CACNG6: variants seen among roughly 807,000 people sequenced by gnomAD.
CACNG6 encodes the protein voltage-dependent calcium channel gamma-6 subunit.
Under a neutral mutation model 23.9 loss-of-function variants are expected in CACNG6, and 21 were observed. The ratio of observed to expected loss-of-function variants is 0.88; its 90% CI spans 0.62 to 1.26. CACNG6 has a LOEUF of 1.26. Ranked by LOEUF, CACNG6 falls within the 50% of genes most tolerant of loss-of-function variation. CACNG6 has a pLI of 0.00. For synonymous variants in CACNG6, 182 were observed against 168.9 expected, an observed-to-expected ratio of 1.08 and a Z score of -0.60; for missense variants, 340 against 352.9, an observed-to-expected ratio of 0.96 and a Z score of 0.29.
At chr19:54,009,752 GTTCT>G (rs2069684439) in intron 3 of CACNG6, among the ~76,000 whole-genome samples, 1 of 145,564 alleles carries the variant, frequency 6.9e-6, no homozygotes, top group African/African-American at 2.5e-5. Context: ...TCTCTATCAT[GTTCT>G]TTCTTTTTCT....
chr19:53,996,188 C>T (rs2069519277), intron 1 of CACNG6, among the ~76,000 whole-genome samples: 1 of 152,116 alleles, frequency 6.6e-6, no homozygotes, highest in African/African-American at 2.4e-5. Context: ...GGCCTTTACT[C>T]CTGTTATTCT....
At chr19:54,004,747 T>TG (rs2145962733) in intron 3 of CACNG6, among the ~76,000 whole-genome samples, 1 of 152,268 alleles carries the variant, frequency 6.6e-6, no homozygotes, top group South Asian at 2.1e-4. Context: ...TTTCCCGGGC[T>TG]GCCTCCTCGG....
At position 53,999,675 on chromosome 19, in the gene CACNG6, G is replaced by T; in HGVS notation, c.448G>T (p.Ala150Ser). ...AAAVIAVLGLAVMALGCLCII... is the reference protein window; with the variant it reads ...AAAVIAVLGLSVMALGCLCII... ...TGCGGTGATAGCAGTGCTGGGCCTG[G>T]CAGTCATGGCCTTGGGGTGCCTCTG... Residue 150 changes from alanine (A) to serine (S), a missense_variant, in exon 3 of 4, where the codon GCA becomes TCA. Ala to Ser is a moderately conservative substitution (Grantham distance 99). Coordinates refer to ENST00000252729, the MANE Select transcript of CACNG6 (RefSeq NM_145814.2). The T allele has an allele frequency of 6.2e-7, 1 of 1,614,034 alleles. No individual in the cohort carries two copies. The highest frequency in any genetic ancestry group is 8.5e-7 in the Non-Finnish European group (1 of 1,180,040).
intron 1 of CACNG6, 152 bp downstream of exon 1, chr19:53,993,360 C>T (rs987269968): frequency 4.0e-6 from 3 of 754,450 alleles, no homozygotes; most frequent in African/African-American, 3.6e-5. Flanking sequence ...CCCACTTCGT[C>T]CTCTGCTCTC....
At position 54,004,924 on chromosome 19, in the gene CACNG6, TAA is replaced by T. The variant is rs1381798573; in HGVS notation, c.544+5156_544+5157del. 2.0e-5 allele frequency among the ~76,000 whole-genome samples: 3 copies of T among 151,792 alleles called. No homozygotes were observed. The East Asian group carries it at 5.8e-4, about 29-fold the overall frequency. ...AAAAATAAATAAATAAATAAATAAA[TAA>T]AAGAGGGGGGCGCGGTGGCTCACGC... On this transcript the variant is annotated intron_variant, in intron 3 of 3. Transcript: ENST00000252729.
At chr19:53,993,276 C>T (rs2069485381) in intron 1 of CACNG6, 68 bp downstream of exon 1, 25 of 1,445,882 alleles carry the variant, frequency 1.7e-5, no homozygotes, top group Non-Finnish European at 2.3e-5. Flanking sequence ...GGCCCGTGTC[C>T]GAGGAGAAAA....
chr19:54,009,644 C>T (rs2069682907), intron 3 of CACNG6, among the ~76,000 whole-genome samples: 1 of 152,044 alleles, frequency 6.6e-6, no homozygotes, highest in Non-Finnish European at 1.5e-5. Flanking sequence ...TTTACACTTT[C>T]TCATGCCCCC....
intron 2 of CACNG6, among the ~76,000 whole-genome samples, 198 bp downstream of exon 2, chr19:53,998,511 C>CT (rs35492861): frequency 0.038 from 4,339 of 115,362 alleles, 303 homozygotes; most frequent in African/African-American, 0.12. Flanking sequence ...CTAGAGAACT[C>CT]TTTTTTTTTT....
At chr19:53,999,552 C>A in intron 2 of CACNG6, 82 bp from the exon 3 acceptor site, 1 of 1,490,326 alleles carries the variant, frequency 6.7e-7, no homozygotes, top group Non-Finnish European at 9.1e-7. Context: ...TTACATCTTC[C>A]TGGTTCTGGG....
chr19:54,010,479 C>T (rs1359144043), intron 3 of CACNG6, among the ~76,000 whole-genome samples: 3 of 151,908 alleles, frequency 2.0e-5, no homozygotes, highest in Admixed American at 1.3e-4. Flanking sequence ...TTTTCTGATT[C>T]CTGTGTTTGC....
Position 54,001,360 on chromosome 19 carries a change from TG to T in CACNG6, c.544+1590del, listed in dbSNP as rs199731845. ...TGTGCCACCACGCCTGGCTAATTTT[TG>T]TATTTTTAGTAGAGACAGGGTTTCA... On this transcript the variant is annotated intron_variant, in intron 3 of 3. Coordinates refer to ENST00000252729, the MANE Select transcript of CACNG6 (RefSeq NM_145814.2). 2.8e-4 allele frequency among the ~76,000 whole-genome samples: 42 copies of T among 152,196 alleles called. 1 individual carries two copies. In the East Asian group the frequency reaches 8.1e-3, roughly 29 times the overall value.
chr19:54,009,878 A>T (rs1336010851), intron 3 of CACNG6, among the ~76,000 whole-genome samples: 1 of 149,772 alleles, frequency 6.7e-6, no homozygotes. Flanking sequence ...GTGAGCCGAG[A>T]TTGCCACTGC....
At position 53,992,860 on chromosome 19, in the gene CACNG6, G is replaced by A. The variant is rs1182700377; in HGVS notation, c.-18G>A. 1.5e-6 allele frequency: 2 copies of A among 1,364,002 alleles called. No individual in the cohort carries two copies. Among genetic ancestry groups the A allele is most frequent in the Non-Finnish European group, 1.9e-6 (2 of 1,054,676 alleles). The allele number at this position is 1,364,002 out of a possible 1,614,324, so 84.5% of individuals were successfully genotyped here. A position where few individuals can be genotyped will look rare whatever the true frequency, so the allele number is the denominator to read the frequency against. ...CCGGCTCTGCCTCCTCCCCCTTCCCGACCCCACCGGCCATAAGATGATGTG... is the reference window on the plus strand; with the variant it reads ...CCGGCTCTGCCTCCTCCCCCTTCCCAACCCCACCGGCCATAAGATGATGTG... On this transcript the variant is annotated 5_prime_UTR_variant, in exon 1 of 4. Coordinates refer to ENST00000252729, the MANE Select transcript of CACNG6 (RefSeq NM_145814.2). The surrounding 1 kb of genome is among the most constrained non-coding windows in gnomAD (Gnocchi z 4.1).
At chr19:54,001,233 C>T (rs1027285678) in intron 3 of CACNG6, among the ~76,000 whole-genome samples, 5 of 149,600 alleles carry the variant, frequency 3.3e-5, no homozygotes, top group South Asian at 2.1e-4. Context: ...TTGTTGCCCA[C>T]GCTGGAGTGC....
chr19:53,998,898 G>A (rs1016376495), intron 2 of CACNG6, among the ~76,000 whole-genome samples: 9 of 152,108 alleles, frequency 5.9e-5, no homozygotes, highest in Non-Finnish European at 1.2e-4. Context: ...GGTAGCACTT[G>A]GACATCTCAC....
Position 54,012,591 on chromosome 19 carries a change from G to T in CACNG6, c.*402G>T. The T allele has an allele frequency of 6.1e-6, 1 of 164,704 alleles. No individual in the cohort carries two copies. 10.2% of individuals were successfully genotyped at this position (164,704 alleles called of 1,614,324 possible). On this transcript the variant is annotated 3_prime_UTR_variant, in exon 4 of 4. Coordinates refer to ENST00000252729, the MANE Select transcript of CACNG6 (RefSeq NM_145814.2). ...CTTTTTACAACTCATCTGCAGCTCCGGGTGCGGTTGGGGGAGATAGCGAAG... is the reference window on the plus strand; with the variant it reads ...CTTTTTACAACTCATCTGCAGCTCCTGGTGCGGTTGGGGGAGATAGCGAAG...
intron 3 of CACNG6, among the ~76,000 whole-genome samples, chr19:54,011,205 A>ATATATATATAT (rs1555819786): frequency 5.2e-4 from 53 of 102,454 alleles, no homozygotes; most frequent in African/African-American, 2.3e-3. Context: ...AAAAAAAAAA[A>ATATATATATAT]ATATATATAT....
rs2069731734 is a variant in CACNG6, at chr19:54,012,663, T to C, written c.*474T>C. Reference sequence around the variant, plus strand: ...GATTTGGGATTAAAGGTTTGGAAATTTAACAACTTTGCTTTGGAGTCTATT... The same window carrying C: ...GATTTGGGATTAAAGGTTTGGAAATCTAACAACTTTGCTTTGGAGTCTATT... On this transcript the variant is annotated 3_prime_UTR_variant, in exon 4 of 4. Coordinates refer to ENST00000252729, the MANE Select transcript of CACNG6 (RefSeq NM_145814.2). The C allele has an allele frequency of 6.5e-6, 1 of 153,198 alleles. No homozygotes were observed. Among genetic ancestry groups the C allele is most frequent in the Non-Finnish European group, 1.5e-5 (1 of 68,776 alleles). 9.5% of individuals were successfully genotyped at this position (153,198 alleles called of 1,614,324 possible).
chr19:53,996,811 T>C (rs1329895262), intron 1 of CACNG6, among the ~76,000 whole-genome samples: 1 of 152,106 alleles, frequency 6.6e-6, no homozygotes, highest in Non-Finnish European at 1.5e-5. Context: ...TTAGTTTATA[T>C]GTGTGTTTTA....
Sources: allele counts gnomAD v4.1 joint callset (sites outside exome capture counted in the v4.1 genomes callset), GRCh38; gene constraint gnomAD v4.1.1; non-coding constraint Gnocchi (gnomAD v3.1); transcripts MANE v1.5; gene names NCBI Gene and HGNC (gene_info 2026-07-23, HGNC 2026-07-21).